CAV2: variants seen among roughly 807,000 people sequenced by gnomAD.
CAV2 encodes the protein caveolin 2, also known as caveolin-2.
A neutral mutation model predicts 15.5 loss-of-function variants in CAV2; 7 were observed. The observed-to-expected ratio is 0.45, with a 90% confidence interval of 0.26 to 0.85. The LOEUF (loss-of-function observed/expected upper bound fraction) is 0.85, where lower values mean the gene tolerates loss of function less well. Among genes scored for constraint, CAV2 ranks in the 40% least tolerant of loss-of-function variants. The pLI is 0.18. For synonymous variants in CAV2, 76 were observed against 83.1 expected (o/e 0.91, Z 0.46); for missense variants, 229 against 208.8 (o/e 1.10, Z -0.60).
intron 2 of CAV2, among the ~76,000 whole-genome samples, chr7:116,503,748 C>T (rs13229461): frequency 0.35 from 52,324 of 151,118 alleles, 9,344 homozygotes; most frequent in African/African-American, 0.4. Flanking sequence ...GAGAATCACT[C>T]GAACCCGGGA....
chr7:116,503,632 C>A (rs756309030), intron 2 of CAV2, among the ~76,000 whole-genome samples: 81 of 152,152 alleles, frequency 5.3e-4, no homozygotes, highest in Non-Finnish European at 9.9e-4. Flanking sequence ...AGTTCAAGAA[C>A]AGCCTGGCCA....
intron 2 of CAV2, 143 bp from the exon 3 acceptor site, chr7:116,505,828 G>A (rs1354217341): frequency 1.7e-6 from 1 of 590,498 alleles, no homozygotes. Context: ...ATCATTATCA[G>A]TGATCATTGT....
At position 116,499,932 on chromosome 7, in the gene CAV2, G is replaced by T. The variant is rs1026721215; in HGVS notation, c.150+1G>T. On this transcript the variant is annotated splice_donor_variant, in intron 1 of 2. Coordinates refer to ENST00000222693, the MANE Select transcript of CAV2 (RefSeq NM_001233.5). LOFTEE classifies it high-confidence loss of function. ...CCACCGGCTCAACTCGCATCTCAAG[G>T]TGAAGCCCGGGGCGGGCGGGCCCAA... 1 of 1,610,920 alleles carries T rather than the reference G, an allele frequency of 6.2e-7. No individual in the cohort carries two copies. The highest frequency in any genetic ancestry group is 8.5e-7 in the Non-Finnish European group (1 of 1,179,064).
intron 1 of CAV2, 25 bp downstream of exon 1, chr7:116,499,956 A>G: frequency 1.2e-6 from 2 of 1,605,036 alleles, no homozygotes; most frequent in East Asian, 2.3e-5. Flanking sequence ...GGGCGGGCCC[A>G]AGTCCCCGCT....
At chr7:116,505,051 A>G (rs1222277398) in intron 2 of CAV2, among the ~76,000 whole-genome samples, 1 of 152,256 alleles carries the variant, frequency 6.6e-6, no homozygotes, top group Non-Finnish European at 1.5e-5. Flanking sequence ...CTTAAACGCT[A>G]GTAGGAAAGA....
intron 2 of CAV2, among the ~76,000 whole-genome samples, chr7:116,502,498 T>C (rs907472293): frequency 9.2e-5 from 14 of 152,212 alleles, no homozygotes; most frequent in Non-Finnish European, 2.1e-4. Context: ...ATAAAATAGG[T>C]TTATCATTAA....
At chr7:116,501,563 T>G (rs1306308093) in intron 2 of CAV2, among the ~76,000 whole-genome samples, 3 of 152,202 alleles carry the variant, frequency 2.0e-5, no homozygotes, top group African/African-American at 2.4e-5. Context: ...ATTGATTGAG[T>G]GCTTAGTTTG....
At chr7:116,500,564 T>A (rs1793080556) in intron 2 of CAV2, 117 bp downstream of exon 2, 1 of 911,050 alleles carries the variant, frequency 1.1e-6, no homozygotes, top group Admixed American at 2.5e-5. Context: ...CGCGCATCAG[T>A]TCCCAAGCAG....
At chr7:116,500,201 C>A in intron 1 of CAV2, 59 bp from the exon 2 acceptor site, 1 of 1,575,054 alleles carries the variant, frequency 6.3e-7, no homozygotes. Context: ...AAAGCGCTCC[C>A]GGTTCCCGGG....
rs1793294087 is a variant in CAV2, at chr7:116,508,385, T to G, written c.*2264T>G. ...GGTTACTTTCAAAATGAATTTTTAT[T>G]GAGATTTTCCATTAACTATTTTTTT... On this transcript the variant is annotated 3_prime_UTR_variant, in exon 3 of 3. Transcript: ENST00000222693. 1 of 152,190 alleles carries G rather than the reference T, an allele frequency of 6.6e-6. No homozygotes were observed. The highest frequency in any genetic ancestry group is 2.4e-5 in the African/African-American group (1 of 41,460). 9.4% of individuals were successfully genotyped at this position (152,190 alleles called of 1,614,324 possible).
chr7:116,503,392 A>G (rs1793146428), intron 2 of CAV2, among the ~76,000 whole-genome samples: 1 of 152,170 alleles, frequency 6.6e-6, no homozygotes, highest in African/African-American at 2.4e-5. Flanking sequence ...AACACCCTAT[A>G]AACTGAACTC....
chr7:116,504,521 T>C (rs1303869634), intron 2 of CAV2, among the ~76,000 whole-genome samples: 1 of 152,192 alleles, frequency 6.6e-6, no homozygotes, highest in South Asian at 2.1e-4. Context: ...TCTAAAAATA[T>C]ATCAATCAAT....
In CAV2 at chr7:116,508,123, G is replaced by A. The variant is rs1793285226; in HGVS notation, c.*2002G>A. The A allele has an allele frequency of 1.3e-5, 2 of 152,280 alleles. No individual in the cohort carries two copies. The highest frequency in any genetic ancestry group is 4.1e-4 in the South Asian group (2 of 4,828). 9.4% of individuals were successfully genotyped at this position (152,280 alleles called of 1,614,324 possible). On this transcript the variant is annotated 3_prime_UTR_variant, in exon 3 of 3. Coordinates refer to ENST00000222693, the MANE Select transcript of CAV2 (RefSeq NM_001233.5). ...AGATTTTATTATGTTAGTTTAAAAGGTCAATCAGCCTCATGACTTTATAGT... is the reference window on the plus strand; with the variant it reads ...AGATTTTATTATGTTAGTTTAAAAGATCAATCAGCCTCATGACTTTATAGT...
chr7:116,499,755 C>T lies in CAV2; in HGVS notation c.-27C>T, dbSNP rs1262701950. On this transcript the variant is annotated 5_prime_UTR_variant, in exon 1 of 3. Coordinates refer to ENST00000222693, the MANE Select transcript of CAV2 (RefSeq NM_001233.5). Reference sequence around the variant, plus strand: ...CGGGAGCCGCACCGCGCCAGCCGGGCTGCAGCGGCCGCGCACCAAGGCTGC... The same window carrying T: ...CGGGAGCCGCACCGCGCCAGCCGGGTTGCAGCGGCCGCGCACCAAGGCTGC... The T allele has an allele frequency of 6.6e-7, 1 of 1,506,554 alleles. No individual in the cohort carries two copies. Among genetic ancestry groups the T allele is most frequent in the African/African-American group, 1.4e-5 (1 of 69,072 alleles). The allele number at this position is 1,506,554 out of a possible 1,614,324, so 93.3% of individuals were successfully genotyped here. A position where few individuals can be genotyped will look rare whatever the true frequency, so the allele number is the denominator to read the frequency against.
At chr7:116,504,563 G>A (rs1304469504) in intron 2 of CAV2, among the ~76,000 whole-genome samples, 2 of 151,888 alleles carry the variant, frequency 1.3e-5, no homozygotes, top group African/African-American at 4.8e-5. Flanking sequence ...CTTCATTTTG[G>A]GCTAAGTACA....
intron 2 of CAV2, chr7:116,501,150 T>A (rs1793096092): frequency 6.6e-6 from 1 of 152,236 alleles, no homozygotes; most frequent in Admixed American, 6.5e-5. Flanking sequence ...AAGCCCACTG[T>A]ATATTGATAG....
At chr7:116,502,203 A>G (rs1240047004) in intron 2 of CAV2, among the ~76,000 whole-genome samples, 5 of 152,238 alleles carry the variant, frequency 3.3e-5, no homozygotes, top group Non-Finnish European at 5.9e-5. Context: ...AGTGGTGGAA[A>G]GATATAAGTA....
rs1015765548 is a variant in CAV2, at chr7:116,500,363, A to T, written c.254A>T (p.Tyr85Phe). Residue 85 changes from tyrosine to phenylalanine, a missense_variant, in exon 2 of 3, where the codon TAC becomes TTC. Transcript: ENST00000222693. ...TTTGAAATCAGCAAATACGTAATGT[A>T]CAAGTTCCTGACGGTGTTCCTGGCC... is the stretch of plus-strand genomic sequence containing the variant. ...ALFEISKYVM[Y>F]KFLTVFLAIP... The T allele has an allele frequency of 6.2e-7, 1 of 1,614,208 alleles. No homozygotes were observed. The highest frequency in any genetic ancestry group is 8.5e-7 in the Non-Finnish European group (1 of 1,180,018).
Position 116,506,093 on chromosome 7 carries a change from C to T in CAV2, c.461C>T (p.Ser154Phe). ...LCTSVGRCFS[S>F]VSLQLSQD ...ACGAGCGTAGGACGATGCTTCTCTT[C>T]TGTCAGCCTGCAACTGAGCCAGGAT... The change falls in exon 3 of 3, where the codon TCT (serine) becomes TTT (phenylalanine). Residue 154 changes from serine (S) to phenylalanine (F), a missense_variant. Coordinates refer to ENST00000222693, the MANE Select transcript of CAV2 (RefSeq NM_001233.5). The T allele has an allele frequency of 6.2e-7, 1 of 1,614,098 alleles. No homozygotes were observed. Among genetic ancestry groups the T allele is most frequent in the Non-Finnish European group, 8.5e-7 (1 of 1,179,978 alleles).
Sources: allele counts gnomAD v4.1 joint callset (sites outside exome capture counted in the v4.1 genomes callset), GRCh38; gene constraint gnomAD v4.1.1; transcripts MANE v1.5; gene names NCBI Gene and HGNC (gene_info 2026-07-23, HGNC 2026-07-21).